The following PCDHGB7 variants were observed in gnomAD, a reference collection of about 807,000 sequenced individuals.
The protein encoded by PCDHGB7 is protocadherin gamma subfamily B, 7.
A neutral mutation model predicts 61.4 loss-of-function variants in PCDHGB7; 37 were observed. The observed-to-expected ratio is 0.60, with a 90% CI of 0.46 to 0.79. The LOEUF is 0.79. PCDHGB7 is among the 30% of genes least tolerant of loss of function. PCDHGB7 has a pLI of 0.00. For missense variants in PCDHGB7, 1,166 were observed against 1,202.5 expected (o/e 0.97, Z 0.45); for synonymous variants, 464 against 503.5 (o/e 0.92, Z 1.05).
In PCDHGB7 at chr5:141,431,616, A is replaced by G. The variant is rs776151297; in HGVS notation, c.2415+11342A>G. 1 of 1,614,250 alleles carries G rather than the reference A, an allele frequency of 6.2e-7. No individual in the cohort carries two copies. Among genetic ancestry groups the G allele is most frequent in the Non-Finnish European group, 8.5e-7 (1 of 1,180,042 alleles). ...AGGTATTCCTTCCGGTATGTGGACG[A>G]CAAGGCGGCCCAAGTTTTCAAACTA... On this transcript the variant is annotated intron_variant, in intron 1 of 3. Transcript: ENST00000398594. This position sits in a 1 kb window ranked among gnomAD's most constrained non-coding sequence, Gnocchi z 4.8.
chr5:141,489,124 A>C lies in PCDHGB7; in HGVS notation c.2416-5683A>C. The C allele has an allele frequency of 3.6e-6, 2 of 556,652 alleles. No individual in the cohort carries two copies. Among genetic ancestry groups the C allele is most frequent in the South Asian group, 3.3e-5 (1 of 30,014 alleles). The allele number at this position is 556,652 out of a possible 1,614,324, so 34.5% of individuals were successfully genotyped here. On this transcript the variant is annotated intron_variant, in intron 1 of 3. Transcript: ENST00000398594. The surrounding 1 kb of genome is among the most constrained non-coding windows in gnomAD (Gnocchi z 4.5). ...GCTGCAAGCAGGCAAACCTCCGAGC[A>C]GTTTTTAAGAGGCTGGAAGGAGACA...
intron 1 of PCDHGB7, among the ~76,000 whole-genome samples, chr5:141,484,072 G>A (rs2099591675): frequency 6.6e-6 from 1 of 152,258 alleles, no homozygotes; most frequent in Admixed American, 6.5e-5. Flanking sequence ...TGAAAAGCTT[G>A]CTCTTTTGAA....
chr5:141,427,391 A>G (rs942653386), intron 1 of PCDHGB7: 3 of 459,818 alleles, frequency 6.5e-6, no homozygotes, highest in Non-Finnish European at 1.3e-5. Context: ...TGTTCAAAAC[A>G]CATGATAAAG....
chr5:141,453,791 A>G (rs979646024), intron 1 of PCDHGB7, among the ~76,000 whole-genome samples: 2 of 152,268 alleles, frequency 1.3e-5, no homozygotes, highest in African/African-American at 2.4e-5. Context: ...ATGGTATATT[A>G]ACTTTGAGTA....
intron 2 of PCDHGB7, among the ~76,000 whole-genome samples, chr5:141,502,866 C>CTTTTTCTT (rs2099816520): frequency 1.6e-5 from 2 of 128,030 alleles, no homozygotes; most frequent in African/African-American, 6.2e-5. Flanking sequence ...GACTCTCTGT[C>CTTTTTCTT]TTTTTTTTTT....
rs745457172 is a variant in PCDHGB7 at position 141,490,744 on chromosome 5, C to T, written c.2416-4063C>T. The stretch of plus-strand genomic sequence containing the variant: ...TGTAGGAAATCAGGTTCAGGGAGCC[C>T]CAGCCTCCTCCTTTGTGTATGTCAA... On this transcript the variant is annotated intron_variant, in intron 1 of 3. Coordinates refer to ENST00000398594, the MANE Select transcript of PCDHGB7 (RefSeq NM_018927.4). The surrounding 1 kb of genome is among the most constrained non-coding windows in gnomAD (Gnocchi z 5.4). 1 of 1,614,142 alleles carries T rather than the reference C, an allele frequency of 6.2e-7. No homozygotes were observed. Among genetic ancestry groups the T allele is most frequent in the Non-Finnish European group, 8.5e-7 (1 of 1,180,006 alleles).
intron 1 of PCDHGB7, chr5:141,426,679 T>A (rs1008777231): frequency 9.3e-6 from 4 of 431,308 alleles, no homozygotes; most frequent in African/African-American, 2.0e-5. Context: ...CCACCTCATT[T>A]TCCCCAAAAT....
At position 141,502,487 on chromosome 5, in the gene PCDHGB7, C is replaced by T. The variant is rs563658817; in HGVS notation, c.2475-2906C>T. ...TACTTCCCGCAGCATCACACTGGGACTCATCTAACGTCGGCCTGTCCCACT... is the reference window on the plus strand; with the variant it reads ...TACTTCCCGCAGCATCACACTGGGATTCATCTAACGTCGGCCTGTCCCACT... On this transcript the variant is annotated intron_variant, in intron 2 of 3. Coordinates refer to ENST00000398594, the MANE Select transcript of PCDHGB7 (RefSeq NM_018927.4). Among the ~76,000 whole-genome samples, 92 of 152,298 alleles carry T rather than the reference C, an allele frequency of 6.0e-4. 3 individuals are homozygous for T. The highest frequency in any genetic ancestry group is 1.5e-4 in the Non-Finnish European group (10 of 68,030).
Position 141,487,297 on chromosome 5 carries a change from C to T in PCDHGB7, c.2416-7510C>T, listed in dbSNP as rs770262058. ...TTTGCTTTGTCTCCTTTGGCTCATT[C>T]GTGGCACTACTCTCTAAGTGTCTTC... On this transcript the variant is annotated intron_variant, in intron 1 of 3. Coordinates refer to ENST00000398594, the MANE Select transcript of PCDHGB7 (RefSeq NM_018927.4). This position sits in a 1 kb window ranked among gnomAD's most constrained non-coding sequence, Gnocchi z 5.0. The T allele has an allele frequency of 3.2e-5, 52 of 1,613,984 alleles. No homozygotes were observed. The highest frequency in any genetic ancestry group is 4.0e-5 in the African/African-American group (3 of 74,912).
chr5:141,511,276 T>A lies in PCDHGB7; in HGVS notation c.*103T>A. ...AGAGTTTCAGGGCTAACCCCCAGAA[T>A]ACTGGTAGGGGCCAAGGCCATGCTC... On this transcript the variant is annotated 3_prime_UTR_variant, in exon 4 of 4. Coordinates refer to ENST00000398594, the MANE Select transcript of PCDHGB7 (RefSeq NM_018927.4). 6.5e-7 allele frequency: 1 copy of A among 1,538,086 alleles called. No homozygotes were observed. Among genetic ancestry groups the A allele is most frequent in the Non-Finnish European group, 8.8e-7 (1 of 1,140,722 alleles).
chr5:141,492,206 G>A (rs1180294159), intron 1 of PCDHGB7, among the ~76,000 whole-genome samples: 2 of 152,204 alleles, frequency 1.3e-5, no homozygotes, highest in Non-Finnish European at 2.9e-5. Context: ...TTAGGTGTGC[G>A]CGCGGGGCTC....
rs773688197 is a variant in PCDHGB7, at chr5:141,432,412, C to T, written c.2415+12138C>T. On this transcript the variant is annotated intron_variant, in intron 1 of 3. Transcript: ENST00000398594. This position sits in a 1 kb window ranked among gnomAD's most constrained non-coding sequence, Gnocchi z 6.0. ...GCAGCAACGTGTCGTTGAGCCTGTT[C>T]GTGCTGGACCAGAACGACAATGCGC... 5 of 1,614,128 alleles carry T rather than the reference C, an allele frequency of 3.1e-6. No individual in the cohort carries two copies. The highest frequency in any genetic ancestry group is 4.5e-5 in the East Asian group (2 of 44,894).
In PCDHGB7 at chr5:141,431,841, C is replaced by T; in HGVS notation, c.2415+11567C>T. The T allele has an allele frequency of 6.2e-7, 1 of 1,614,246 alleles. No homozygotes were observed. Among genetic ancestry groups the T allele is most frequent in the Non-Finnish European group, 8.5e-7 (1 of 1,180,044 alleles). ...GCCAGCTCGGTTCCCGAAAACTCTC[C>T]CAGAGGGACATTAATTGCCCTTTTA... On this transcript the variant is annotated intron_variant, in intron 1 of 3. Coordinates refer to ENST00000398594, the MANE Select transcript of PCDHGB7 (RefSeq NM_018927.4). The surrounding 1 kb of genome is among the most constrained non-coding windows in gnomAD (Gnocchi z 4.8).
At position 141,431,468 on chromosome 5, in the gene PCDHGB7, G is replaced by A. The variant is rs756718016; in HGVS notation, c.2415+11194G>A. ...CCGCGTGATGGTTCTGGATGCGAAC[G>A]ACAACGCACCAGCGTTTGCTCAGCC... On this transcript the variant is annotated intron_variant, in intron 1 of 3. Transcript: ENST00000398594. This position sits in a 1 kb window ranked among gnomAD's most constrained non-coding sequence, Gnocchi z 4.8. The A allele has an allele frequency of 3.7e-6, 6 of 1,613,804 alleles. No homozygotes were observed. In the Admixed American group the frequency reaches 8.3e-5, roughly 22 times the overall value.
chr5:141,478,076 C>G (rs1486983629), intron 1 of PCDHGB7: 2 of 1,614,106 alleles, frequency 1.2e-6, no homozygotes, highest in Non-Finnish European at 1.7e-6. Context: ...CAATGGGGAG[C>G]CTTCGCTCTC....
intron 1 of PCDHGB7, among the ~76,000 whole-genome samples, chr5:141,488,534 A>C (rs1169478867): frequency 1.3e-5 from 2 of 152,292 alleles, no homozygotes; most frequent in East Asian, 3.9e-4. Flanking sequence ...AGAAAAGCTA[A>C]GTCCCATGTC....
rs1404447940 is a variant in PCDHGB7 at position 141,428,036 on chromosome 5, C to T, written c.2415+7762C>T. On this transcript the variant is annotated intron_variant, in intron 1 of 3. Transcript: ENST00000398594. ...TGCCACGCGCCGCAGAGTCCGGCTA[C>T]CTGGTGACCAAGGTGGTGGCGGTGG... The T allele has an allele frequency of 3.7e-6, 6 of 1,608,246 alleles. No homozygotes were observed. The African/African-American group carries it at 4.0e-5, about 11-fold the overall frequency.
Position 141,476,543 on chromosome 5 carries a change from G to A in PCDHGB7, c.2416-18264G>A, listed in dbSNP as rs1419273574. 1 of 1,614,220 alleles carries A rather than the reference G, an allele frequency of 6.2e-7. No individual in the cohort carries two copies. Among genetic ancestry groups the A allele is most frequent in the South Asian group, 1.1e-5 (1 of 91,084 alleles). On this transcript the variant is annotated intron_variant, in intron 1 of 3. Transcript: ENST00000398594. The surrounding 1 kb of genome is among the most constrained non-coding windows in gnomAD (Gnocchi z 7.6). ...TTTCCCTACCCAGGAAATGAAATTG[G>A]AGATTAGCGAGGCCGTGGCTCCGGG...
At chr5:141,456,815 T>A (rs867637586) in intron 1 of PCDHGB7, among the ~76,000 whole-genome samples, 5 of 151,934 alleles carry the variant, frequency 3.3e-5, no homozygotes, top group Non-Finnish European at 7.4e-5. Flanking sequence ...ATACAAAAAA[T>A]TAGCCATCGT....
Sources: gnomAD v4.1 joint callset for allele counts (sites outside exome capture counted in the v4.1 genomes callset) on GRCh38, gnomAD v4.1.1 for gene constraint, Gnocchi (gnomAD v3.1) non-coding constraint, MANE v1.5 for transcripts, NCBI Gene and HGNC (gene_info 2026-07-23, HGNC 2026-07-21) for gene names.